Variants in ZP3 observed in about 807,000 individuals in gnomAD.
The protein encoded by ZP3 is zona pellucida sperm-binding protein 3.
In ZP3, 21 loss-of-function variants were observed where a neutral mutation model predicts 35.6. The observed-to-expected ratio is 0.59, with a 90% CI of 0.42 to 0.85. ZP3 has a LOEUF of 0.85. Among genes scored for constraint, ZP3 ranks in the 40% least tolerant of loss-of-function variants. The probability of loss-of-function intolerance (pLI) is 0.00; values close to 1 mark genes in which losing one functional copy is unlikely to be tolerated. For missense variants in ZP3, 437 were observed against 536.5 expected, an observed-to-expected ratio of 0.81 and a Z score of 1.83; for synonymous variants, 207 against 214.5, an observed-to-expected ratio of 0.96 and a Z score of 0.31.
chr7:76,421,552 C>A (rs931063011), upstream of ZP3, among the ~76,000 whole-genome samples: 5 of 151,814 alleles, frequency 3.3e-5, no homozygotes, highest in Non-Finnish European at 7.4e-5. Flanking sequence ...TTATGCCTGG[C>A]AGATTTTTAA....
chr7:76,400,915 G>C, intron 1 of ZP3: 8 of 1,495,448 alleles, frequency 5.3e-6, no homozygotes, highest in Non-Finnish European at 7.3e-6. Context: ...GTCAAGGGGG[G>C]CTGGTTAGTC....
Position 76,405,946 on chromosome 7 carries a change from T to TTTCC in ZP3, c.-67+8165_-67+8168dup, listed in dbSNP as rs552015944. Among the ~76,000 whole-genome samples, 6 of 150,888 alleles carry TTTCC rather than the reference T, an allele frequency of 4.0e-5. No homozygotes were observed. The South Asian group carries it at 1.0e-3, about 26-fold the overall frequency. Reference sequence around the variant, plus strand: ...TCCCTTTCTTGCCTCCCTCCCTTTCTTTCCTTCCTTCCTTCCTTCTTCCTT... The same window carrying TTTCC: ...TCCCTTTCTTGCCTCCCTCCCTTTCTTTCCTTCCTTCCTTCCTTCCTTCTTCCTT... On this transcript the variant is annotated intron_variant, in intron 1 of 8. Transcript: ENST00000336517.
chr7:76,438,132 A>G (rs1806080407), intron 5 of ZP3, among the ~76,000 whole-genome samples: 1 of 152,236 alleles, frequency 6.6e-6, no homozygotes, highest in African/African-American at 2.4e-5. Context: ...CCCGAGGTTG[A>G]GCAGGGAGGA....
chr7:76,412,962 C>CTTTTTTTT lies in ZP3; in HGVS notation c.-66-12088_-66-12087insTTTTTTTT, dbSNP rs201143080. Among the ~76,000 whole-genome samples, 263 of 113,696 alleles carry CTTTTTTTT rather than the reference C, an allele frequency of 2.3e-3. 9 individuals carry two copies. Among genetic ancestry groups the CTTTTTTTT allele is most frequent in the Non-Finnish European group, 3.6e-3 (213 of 58,464 alleles). The allele number at this position is 113,696 out of a possible 152,430, so 74.6% of individuals were successfully genotyped here. A position where few individuals can be genotyped will look rare whatever the true frequency, so the allele number is the denominator to read the frequency against. On this transcript the variant is annotated intron_variant, in intron 1 of 8. Coordinates refer to the ZP3 transcript ENST00000336517. The stretch of plus-strand genomic sequence containing the variant: ...CTTTCTTCTTTGTCTTCTTCTTCTT[C>CTTTTTTTT]TTCTTTTTTTTTTTTTTTGAGACGG...
chr7:76,430,561 C>G (rs528168398), intron 2 of ZP3, among the ~76,000 whole-genome samples: 1 of 152,232 alleles, frequency 6.6e-6, no homozygotes, highest in South Asian at 2.1e-4. Context: ...TGGTGAAACC[C>G]ATCTCTACTA....
At chr7:76,435,962 T>A (rs1805986645) in intron 5 of ZP3, among the ~76,000 whole-genome samples, 1 of 150,628 alleles carries the variant, frequency 6.6e-6, no homozygotes, top group South Asian at 2.1e-4. Flanking sequence ...TTGACCTCAT[T>A]ATCCAACCGC....
intron 5 of ZP3, among the ~76,000 whole-genome samples, chr7:76,437,659 G>GTTT (rs1480378244): frequency 1.1e-4 from 11 of 98,088 alleles, no homozygotes; most frequent in South Asian, 1.0e-3. Context: ...GCTAATTTCT[G>GTTT]TATTTTTTTT....
chr7:76,437,986 C>T (rs1349298543), intron 5 of ZP3, among the ~76,000 whole-genome samples: 1 of 152,226 alleles, frequency 6.6e-6, no homozygotes, highest in Non-Finnish European at 1.5e-5. Flanking sequence ...TGGACAACTG[C>T]TAAACTGGCT....
chr7:76,403,399 G>A (rs10228920), intron 1 of ZP3, among the ~76,000 whole-genome samples: 12 of 151,714 alleles, frequency 7.9e-5, no homozygotes, highest in Non-Finnish European at 1.5e-4. Flanking sequence ...GTGCAATGGC[G>A]CAATCTCAGC....
chr7:76,425,328 G>A lies in ZP3; in HGVS notation c.312+52G>A, dbSNP rs114206634. The stretch of plus-strand genomic sequence containing the variant: ...TGGTGGGAGGATGTTCGAGGCAGCC[G>A]GGTATGGGGACTGTGGCCACCATCG... On this transcript the variant is annotated intron_variant, in intron 1 of 7. Coordinates refer to ENST00000394857, the MANE Select transcript of ZP3 (RefSeq NM_001110354.2). The A allele has an allele frequency of 1.1e-3, 1,654 of 1,543,316 alleles. 20 individuals carry two copies. The African/African-American group carries it at 0.02, about 19-fold the overall frequency.
Position 76,432,828 on chromosome 7 carries a change from G to C in ZP3, c.432-99G>C, listed in dbSNP as rs567181337. The C allele has an allele frequency of 7.0e-6, 7 of 1,004,594 alleles. No individual in the cohort carries two copies. The South Asian group carries it at 9.0e-5, about 13-fold the overall frequency. The allele number at this position is 1,004,594 out of a possible 1,614,324, so 62.2% of individuals were successfully genotyped here. ...AGCTACCTGGCTGGGCCATAGCTGA[G>C]GACCCTGTAGTGGGGTAGCAGTGAG... On this transcript the variant is annotated intron_variant, in intron 2 of 7. Transcript: ENST00000394857.
intron 1 of ZP3, among the ~76,000 whole-genome samples, chr7:76,426,844 A>G (rs1161109625): frequency 7.2e-6 from 1 of 139,506 alleles, no homozygotes; most frequent in Non-Finnish European, 1.6e-5. Context: ...ACCCTGGGCA[A>G]CATAATGAGA....
intron 1 of ZP3, among the ~76,000 whole-genome samples, chr7:76,413,451 G>C (rs1433261986): frequency 6.6e-6 from 1 of 151,484 alleles, no homozygotes; most frequent in Non-Finnish European, 1.5e-5. Flanking sequence ...TTTTTTAGTA[G>C]AGTCAGGGTT....
At chr7:76,438,178 C>T (rs1806081400) in intron 5 of ZP3, among the ~76,000 whole-genome samples, 1 of 152,134 alleles carries the variant, frequency 6.6e-6, no homozygotes, top group African/African-American at 2.4e-5. Flanking sequence ...GGGAAACTGA[C>T]CTGGGGACGG....
At chr7:76,422,754 T>C (rs1399601718), upstream of ZP3, among the ~76,000 whole-genome samples, 1 of 150,194 alleles carries the variant, frequency 6.7e-6, no homozygotes, top group African/African-American at 2.5e-5. Context: ...TCCCAGCACT[T>C]TGGGAGGCCG....
chr7:76,439,365 T>TC, intron 5 of ZP3, among the ~76,000 whole-genome samples: 1 of 152,182 alleles, frequency 6.6e-6, no homozygotes. Context: ...TGTCTACCAC[T>TC]CACCTCGGTC....
chr7:76,411,841 C>A (rs961761292), intron 1 of ZP3, among the ~76,000 whole-genome samples: 7 of 152,112 alleles, frequency 4.6e-5, no homozygotes, highest in Admixed American at 2.0e-4. Flanking sequence ...ACAAAAAAAA[C>A]CAGTATGTGA....
chr7:76,435,083 G>C (rs1358626223), intron 5 of ZP3, among the ~76,000 whole-genome samples: 2 of 152,192 alleles, frequency 1.3e-5, no homozygotes, highest in African/African-American at 2.4e-5. Flanking sequence ...GCGGTGGCTC[G>C]TGCCCATAAT....
intron 1 of ZP3, chr7:76,404,570 T>G: frequency 7.3e-7 from 1 of 1,371,164 alleles, no homozygotes; most frequent in Non-Finnish European, 1.0e-6. Flanking sequence ...GGTGGGAGGA[T>G]TGCTTGCACC....
Sources: allele counts gnomAD v4.1 joint callset (sites outside exome capture counted in the v4.1 genomes callset), GRCh38; gene constraint gnomAD v4.1.1; transcripts MANE v1.5; gene names NCBI Gene and HGNC (gene_info 2026-07-23, HGNC 2026-07-21).